NADSYN1: variants seen among roughly 807,000 people sequenced by gnomAD.
NADSYN1 encodes the protein glutamine-dependent NAD(+) synthetase.
A neutral mutation model predicts 99.3 loss-of-function variants in NADSYN1; 80 were observed. The ratio of observed to expected loss-of-function variants is 0.81; its 90% CI spans 0.67 to 0.97. NADSYN1 has a LOEUF of 0.97. NADSYN1 is among the 50% of genes least tolerant of loss of function. The pLI, the probability that NADSYN1 is intolerant of heterozygous loss-of-function variation, is 0.00. For missense variants in NADSYN1, 859 were observed against 948.5 expected (o/e 0.91, Z 1.24); for synonymous variants, 385 against 372.1 (o/e 1.03, Z -0.40).
intron 14 of NADSYN1, 139 bp downstream of exon 14, chr11:71,483,156 G>T (rs1457021694): frequency 3.9e-6 from 4 of 1,030,562 alleles, no homozygotes; most frequent in African/African-American, 1.6e-5. Flanking sequence ...AAACGTGTAA[G>T]TGCTCCATCC....
chr11:71,472,548 C>G (rs545943020), intron 6 of NADSYN1, 48 bp downstream of exon 6: 4 of 1,549,496 alleles, frequency 2.6e-6, no homozygotes, highest in African/African-American at 2.7e-5. Flanking sequence ...TGTCGCTGTT[C>G]TCGGCCAACA....
chr11:71,453,231 C>A lies in NADSYN1; in HGVS notation c.-66C>A. 2.1e-6 allele frequency: 3 copies of A among 1,447,006 alleles called. No individual in the cohort carries two copies. Among genetic ancestry groups the A allele is most frequent in the Non-Finnish European group, 2.9e-6 (3 of 1,044,098 alleles). The allele number at this position is 1,447,006 out of a possible 1,614,324, so 89.6% of individuals were successfully genotyped here. On this transcript the variant is annotated 5_prime_UTR_variant, in exon 1 of 21. Coordinates refer to ENST00000319023, the MANE Select transcript of NADSYN1 (RefSeq NM_018161.5). The stretch of plus-strand genomic sequence containing the variant: ...CCGGAAGGTCCGGCGTCCCAGCCGC[C>A]TACCTCGCTGGGACCCTGGTCTTGC...
chr11:71,484,396 T>A lies in NADSYN1; in HGVS notation c.1404T>A (p.Phe468Leu). ...FSLVTGKSPL[F>L]AAHGGSSREN... ...TGGTGACGGGGAAGAGCCCTCTGTT[T>A]GCAGCTCATGGAGGAAGCAGCAGGG... is the stretch of plus-strand genomic sequence containing the variant. Residue 468 changes from phenylalanine (F) to leucine (L), a missense_variant, in exon 15 of 21, where the codon TTT becomes TTA. Coordinates refer to ENST00000319023, the MANE Select transcript of NADSYN1 (RefSeq NM_018161.5). 1 of 1,614,208 alleles carries A rather than the reference T, an allele frequency of 6.2e-7. No homozygotes were observed. The highest frequency in any genetic ancestry group is 8.5e-7 in the Non-Finnish European group (1 of 1,180,018).
chr11:71,497,500 A>G lies in NADSYN1; in HGVS notation c.1782A>G (p.Thr594=), dbSNP rs1949827891. ...SQTDEEDMGM[T]YAELSVYGKL... is the part of the protein sequence containing the mutation. Reference sequence around the variant, plus strand: ...GTGCACAGGAAGATATGGGGATGACATATGCGGAGCTCTCGGTCTATGGGA... The same window carrying G: ...GTGCACAGGAAGATATGGGGATGACGTATGCGGAGCTCTCGGTCTATGGGA... The change falls in exon 19 of 21, where the codon ACA becomes ACG. Residue 594 remains threonine (T), a synonymous_variant. Coordinates refer to ENST00000319023, the MANE Select transcript of NADSYN1 (RefSeq NM_018161.5). The G allele has an allele frequency of 1.2e-6, 2 of 1,614,068 alleles. No individual in the cohort carries two copies. Among genetic ancestry groups the G allele is most frequent in the African/African-American group, 2.7e-5 (2 of 74,912 alleles).
In NADSYN1 at chr11:71,477,753, C is replaced by T. The variant is rs533066614; in HGVS notation, c.799-642C>T. On this transcript the variant is annotated intron_variant, in intron 9 of 20. Transcript: ENST00000319023. ...GACCCTGGTGTGGATGCCGGGGCTG[C>T]GGCTCCGCCTCTGCCCTCCCCCAGC... Among the ~76,000 whole-genome samples the T allele has an allele frequency of 1.1e-4, 16 of 152,284 alleles. No individual in the cohort carries two copies. In the South Asian group the frequency reaches 1.7e-3, roughly 16 times the overall value.
rs774835501 is a variant in NADSYN1, at chr11:71,480,843, T to G, written c.962T>G (p.Ile321Ser). The G allele has an allele frequency of 6.2e-7, 1 of 1,614,014 alleles. No homozygotes were observed. Among genetic ancestry groups the G allele is most frequent in the African/African-American group, 1.3e-5 (1 of 74,914 alleles). Residue 321 changes from isoleucine to serine, a missense_variant, in exon 11 of 21, where the codon ATC becomes AGC. Ile to Ser is a moderately radical substitution (Grantham distance 142, BLOSUM62 -2). Coordinates refer to ENST00000319023, the MANE Select transcript of NADSYN1 (RefSeq NM_018161.5). ...EDLLAPISEP[I>S]EWKYHSPEEE... ...TTGCTGGCACCCATCTCTGAGCCCA[T>G]CGAGTGGAAATACCACAGCCCTGAG...
At chr11:71,471,937 C>T (rs964011574) in intron 5 of NADSYN1, among the ~76,000 whole-genome samples, 10 of 152,054 alleles carry the variant, frequency 6.6e-5, no homozygotes, top group Admixed American at 1.3e-4. Context: ...TTGAAGATTC[C>T]GCCTCTTGGT....
In NADSYN1 at chr11:71,490,853, G is replaced by A; in HGVS notation, c.1571G>A (p.Gly524Asp). The A allele has an allele frequency of 6.2e-7, 1 of 1,614,150 alleles. No individual in the cohort carries two copies. The highest frequency in any genetic ancestry group is 8.5e-7 in the Non-Finnish European group (1 of 1,180,004). Reference protein sequence around the residue: ...GSANVDESLLGYLTKYDCSSA... With the variant: ...GSANVDESLLDYLTKYDCSSA... ...TCTCCCTCTCCCTGCAGTCTCCTGG[G>A]CTACCTGACCAAGTACGACTGCTCC... is the stretch of plus-strand genomic sequence containing the variant. Residue 524 changes from glycine to aspartate, a missense_variant, in exon 17 of 21, where the codon GGC becomes GAC. Physicochemically the swap from Gly to Asp is moderately conservative, Grantham distance 94 (BLOSUM62 -1). Transcript: ENST00000319023.
intron 8 of NADSYN1, among the ~76,000 whole-genome samples, chr11:71,473,928 C>T (rs1949646615): frequency 6.6e-6 from 1 of 152,240 alleles, no homozygotes; most frequent in Admixed American, 6.5e-5. Flanking sequence ...GACCAGGAAC[C>T]GGAACGTGCT....
At chr11:71,453,435 C>A in intron 1 of NADSYN1, 54 bp downstream of exon 1, 1 of 1,501,872 alleles carries the variant, frequency 6.7e-7, no homozygotes, top group Non-Finnish European at 9.2e-7. Context: ...GGCACCGTGG[C>A]TGGGCCCAGG....
chr11:71,477,099 C>T, intron 9 of NADSYN1: 4 of 1,126,030 alleles, frequency 3.6e-6, no homozygotes, highest in Non-Finnish European at 4.4e-6. Flanking sequence ...AGAGTCACCC[C>T]TTCTGCCTCC....
At chr11:71,477,618 G>A (rs1949678079) in intron 9 of NADSYN1, among the ~76,000 whole-genome samples, 2 of 152,224 alleles carry the variant, frequency 1.3e-5, no homozygotes, top group South Asian at 4.1e-4. Flanking sequence ...ACCCCTATGA[G>A]TTAAAACCTC....
At chr11:71,487,087 C>T (rs1484413533) in intron 16 of NADSYN1, among the ~76,000 whole-genome samples, 1 of 152,194 alleles carries the variant, frequency 6.6e-6, no homozygotes, top group Non-Finnish European at 1.5e-5. Flanking sequence ...GTGTCTTAAT[C>T]ACTCTGCATC....
At chr11:71,486,605 A>G (rs1591133527) in intron 16 of NADSYN1, among the ~76,000 whole-genome samples, 1 of 151,410 alleles carries the variant, frequency 6.6e-6, no homozygotes, top group East Asian at 1.9e-4. Flanking sequence ...CCATTTATCC[A>G]CCAATGTGTC....
At chr11:71,453,970 T>A (rs960422715) in intron 1 of NADSYN1, among the ~76,000 whole-genome samples, 3 of 152,142 alleles carry the variant, frequency 2.0e-5, no homozygotes, top group Non-Finnish European at 4.4e-5. Flanking sequence ...CCGGGCGTGG[T>A]GGCCTCGAAG....
At chr11:71,477,138 C>T in intron 9 of NADSYN1, 2 of 1,138,840 alleles carry the variant, frequency 1.8e-6, no homozygotes, top group South Asian at 1.8e-5. Context: ...GCCGATCACC[C>T]CCGTCGGGCC....
chr11:71,463,455 G>A lies in NADSYN1; in HGVS notation c.287G>A (p.Arg96His), dbSNP rs757700704. ...VGMPVMHRNV[R>H]YNCRVIFLNR... ...AGGCCTGTAATGCACCGAAACGTCC[G>A]CTACAACTGCAGAGTGATATTCCTC... The change falls in exon 4 of 21, where the codon CGC becomes CAC. Residue 96 changes from arginine to histidine, a missense_variant. Coordinates refer to ENST00000319023, the MANE Select transcript of NADSYN1 (RefSeq NM_018161.5). 2.6e-5 allele frequency: 42 copies of A among 1,613,892 alleles called. 1 individual carries two copies. Among genetic ancestry groups the A allele is most frequent in the East Asian group, 6.7e-5 (3 of 44,874 alleles).
rs147894575 is a variant in NADSYN1 at position 71,491,827 on chromosome 11, G to T, written c.1695-7G>T. ...CACTGACCGACCTCTGTGTGTTTTGGCTGCAGCATCCTGTTGGCGCCGGCC... is the reference window on the plus strand; with the variant it reads ...CACTGACCGACCTCTGTGTGTTTTGTCTGCAGCATCCTGTTGGCGCCGGCC... On this transcript the variant is annotated splice_region_variant and splice_polypyrimidine_tract_variant and intron_variant, in intron 17 of 20. Coordinates refer to ENST00000319023, the MANE Select transcript of NADSYN1 (RefSeq NM_018161.5). 89 of 1,613,794 alleles carry T rather than the reference G, an allele frequency of 5.5e-5. 3 individuals are homozygous for T. In the African/African-American group the frequency reaches 1.0e-3, roughly 19 times the overall value.
At chr11:71,484,244 C>A (rs1949727149) in intron 14 of NADSYN1, 68 bp from the exon 15 acceptor site, 1 of 1,573,634 alleles carries the variant, frequency 6.4e-7, no homozygotes, top group African/African-American at 1.3e-5. Context: ...CAGGGCTTCA[C>A]CGCTCATGCG....
Sources: allele counts gnomAD v4.1 joint callset (sites outside exome capture counted in the v4.1 genomes callset), GRCh38; gene constraint gnomAD v4.1.1; transcripts MANE v1.5; gene names NCBI Gene and HGNC (gene_info 2026-07-23, HGNC 2026-07-21).